The following F11R variants were observed in gnomAD, a reference collection of about 807,000 sequenced individuals.
F11R encodes F11 receptor.
F11R carries 27 observed loss-of-function variants against 39.3 expected under a neutral mutation model. The ratio of observed to expected loss-of-function variants is 0.69; its 90% confidence interval spans 0.51 to 0.95. The LOEUF (loss-of-function observed/expected upper bound fraction) is 0.95. F11R is among the 40% of genes least tolerant of loss of function. The pLI is 0.00. For missense variants in F11R, 335 were observed against 372.7 expected (o/e 0.90, Z 0.83); for synonymous variants, 131 against 144.9 (o/e 0.90, Z 0.69).
chr1:161,011,629 G>T (rs148001843), intron 1 of F11R, among the ~76,000 whole-genome samples: 1 of 151,900 alleles, frequency 6.6e-6, no homozygotes, highest in Non-Finnish European at 1.5e-5. Flanking sequence ...TACTTGGGAG[G>T]CTGAGGCAGA....
intron 1 of F11R, among the ~76,000 whole-genome samples, chr1:161,012,463 A>G (rs528060567): frequency 1.0e-3 from 154 of 152,240 alleles, no homozygotes; most frequent in Non-Finnish European, 1.7e-3. Context: ...GGATATCAAT[A>G]ACAAAACATA....
chr1:161,005,272 C>T (rs1648736796), intron 1 of F11R, among the ~76,000 whole-genome samples: 1 of 151,354 alleles, frequency 6.6e-6, no homozygotes, highest in South Asian at 2.1e-4. Context: ...AGTCTCCTCC[C>T]TTCCTCCCTC....
chr1:161,001,037 T>C lies in F11R; in HGVS notation c.224A>G (p.Tyr75Cys), dbSNP rs754777466. The stretch of plus-strand genomic sequence containing the variant: ...CAACTCACCTGTGATCTTGTTATTA[T>C]AGCAAACGAGTCTGGTGGTGTCTCC... ...DQGDTTRLVC[Y>C]NNKITASYED... The change falls in exon 3 of 10, where the codon TAT becomes TGT. Residue 75 changes from tyrosine to cysteine, a missense_variant. Transcript: ENST00000368026. 1 of 1,614,066 alleles carries C rather than the reference T, an allele frequency of 6.2e-7. No individual in the cohort carries two copies. Among genetic ancestry groups the C allele is most frequent in the Non-Finnish European group, 8.5e-7 (1 of 1,179,948 alleles).
At chr1:161,001,394 A>G in intron 1 of F11R, 41 bp from the exon 2 acceptor site, 1 of 1,568,278 alleles carries the variant, frequency 6.4e-7, no homozygotes, top group Non-Finnish European at 8.8e-7. Context: ...AGGAGTGGAC[A>G]GAGAAATGCC....
At chr1:161,002,784 T>C (rs1396478785) in intron 1 of F11R, among the ~76,000 whole-genome samples, 1 of 152,178 alleles carries the variant, frequency 6.6e-6, no homozygotes, top group African/African-American at 2.4e-5. Context: ...TTCTTTTTTT[T>C]AAATTTTGGC....
At chr1:161,011,683 T>C (rs1649170316) in intron 1 of F11R, among the ~76,000 whole-genome samples, 1 of 151,480 alleles carries the variant, frequency 6.6e-6, no homozygotes, top group Non-Finnish European at 1.5e-5. Flanking sequence ...TGAGCTGAGA[T>C]TGTGCCACTG....
chr1:161,021,146 G>A lies in F11R; in HGVS notation c.-73C>T. The A allele has an allele frequency of 7.0e-7, 1 of 1,438,082 alleles. No homozygotes were observed. The highest frequency in any genetic ancestry group is 1.2e-5 in the South Asian group (1 of 86,576). The allele number at this position is 1,438,082 out of a possible 1,614,324, so 89.1% of individuals were successfully genotyped here. On this transcript the variant is annotated 5_prime_UTR_variant, in exon 1 of 10. Transcript: ENST00000368026. ...AGACACAGCTCCGCGACTACAGCGA[G>A]GGGACTGAGAGCCAGCCGCCAGGTG...
At chr1:161,010,973 TAAAAAAAA>T (rs747869704) in intron 1 of F11R, among the ~76,000 whole-genome samples, 5 of 111,156 alleles carry the variant, frequency 4.5e-5, no homozygotes, top group African/African-American at 6.6e-5. Context: ...GACTCCATCT[TAAAAAAAA>T]AAAAAAAAAA....
intron 1 of F11R, among the ~76,000 whole-genome samples, chr1:161,002,776 C>CT (rs926098067): frequency 4.0e-5 from 6 of 151,634 alleles, no homozygotes; most frequent in East Asian, 1.9e-4. Context: ...CCTTTAGGTT[C>CT]TTTTTTTTAA....
intron 1 of F11R, among the ~76,000 whole-genome samples, chr1:161,007,863 C>A (rs778619844): frequency 1.3e-5 from 2 of 152,164 alleles, no homozygotes; most frequent in Non-Finnish European, 2.9e-5. Context: ...TTCTCTAGAA[C>A]CTTCACAGCT....
Position 160,999,097 on chromosome 1 carries a change from A to G in F11R, c.816-6T>C. 6.2e-7 allele frequency: 1 copy of G among 1,614,220 alleles called. No individual in the cohort carries two copies. The highest frequency in any genetic ancestry group is 8.5e-7 in the Non-Finnish European group (1 of 1,180,034). On this transcript the variant is annotated splice_region_variant and splice_polypyrimidine_tract_variant and intron_variant, in intron 8 of 9. Transcript: ENST00000368026. The stretch of plus-strand genomic sequence containing the variant: ...TCACCTTCTTACTCGAAGTCCTGTG[A>G]ACAAGCCAGAAGACAGAGACACTCA...
chr1:161,020,974 G>C (rs939198046), intron 1 of F11R, 36 bp downstream of exon 1: 3 of 1,607,202 alleles, frequency 1.9e-6, no homozygotes, highest in Non-Finnish European at 2.6e-6. Flanking sequence ...CCTCTGACCC[G>C]ACCAACCGAT....
chr1:161,001,066 G>T lies in F11R; in HGVS notation c.195C>A (p.Asp65Glu). The change falls in exon 3 of 10, where the codon GAC (aspartate) becomes GAA (glutamate). Residue 65 changes from aspartate to glutamate, a missense_variant. Asp to Glu is a conservative substitution (Grantham distance 45, BLOSUM62 2). Transcript: ENST00000368026. ...FSSPRVEWKF[D>E]QGDTTRLVCY... ...AAACGAGTCTGGTGGTGTCTCCTTG[G>T]TCAAACTTCCACTCCACACGGGGAG... 1 of 1,614,082 alleles carries T rather than the reference G, an allele frequency of 6.2e-7. No individual in the cohort carries two copies. Among genetic ancestry groups the T allele is most frequent in the Non-Finnish European group, 8.5e-7 (1 of 1,180,010 alleles).
rs1023440938 is a variant in F11R, at chr1:161,020,444, G to A, written c.64+566C>T. On this transcript the variant is annotated intron_variant, in intron 1 of 9. Coordinates refer to ENST00000368026, the MANE Select transcript of F11R (RefSeq NM_016946.6). The stretch of plus-strand genomic sequence containing the variant: ...TTCTATTGCATTTCCTCTTTAGACT[G>A]TGCACCCAGACATTTTCCCAGAGCA... Among the ~76,000 whole-genome samples the A allele has an allele frequency of 3.3e-5, 5 of 152,328 alleles. No homozygotes were observed. In the South Asian group the frequency reaches 1.0e-3, roughly 32 times the overall value.
chr1:161,011,384 A>G (rs1001438156), intron 1 of F11R, among the ~76,000 whole-genome samples: 1 of 152,210 alleles, frequency 6.6e-6, no homozygotes, highest in Non-Finnish European at 1.5e-5. Flanking sequence ...TAAATGCCCA[A>G]CAAAAGGTGA....
chr1:161,009,853 G>A (rs1649030586), intron 1 of F11R, among the ~76,000 whole-genome samples: 1 of 152,014 alleles, frequency 6.6e-6, no homozygotes, highest in Non-Finnish European at 1.5e-5. Flanking sequence ...GGAGGCTGGA[G>A]AACCACTTGA....
intron 1 of F11R, among the ~76,000 whole-genome samples, chr1:161,019,593 CAAAAA>C (rs1055209744): frequency 6.3e-5 from 3 of 47,942 alleles, no homozygotes; most frequent in Non-Finnish European, 9.1e-5. Flanking sequence ...AACTCTAACT[CAAAAA>C]AAAAAAAAAA....
At chr1:160,999,218 T>TGG in intron 8 of F11R, 127 bp from the exon 9 acceptor site, 1 of 1,396,618 alleles carries the variant, frequency 7.2e-7, no homozygotes, top group Non-Finnish European at 1.0e-6. Flanking sequence ...CAGGTATGGG[T>TGG]GGGGTAACAG....
chr1:161,014,867 A>G lies in F11R; in HGVS notation c.64+6143T>C, dbSNP rs1258261765. Among the ~76,000 whole-genome samples, 13 of 151,672 alleles carry G rather than the reference A, an allele frequency of 8.6e-5. No individual in the cohort carries two copies. In the East Asian group the frequency reaches 1.6e-3, roughly 18 times the overall value. ...GGCAGATCACAAGGCCAGGAGATCA[A>G]GACCATCCTGGCTAACATGGTGAAA... On this transcript the variant is annotated intron_variant, in intron 1 of 9. Coordinates refer to ENST00000368026, the MANE Select transcript of F11R (RefSeq NM_016946.6).
Sources: gnomAD v4.1 joint callset for allele counts (sites outside exome capture counted in the v4.1 genomes callset) on GRCh38, gnomAD v4.1.1 for gene constraint, MANE v1.5 for transcripts, NCBI Gene and HGNC (gene_info 2026-07-23, HGNC 2026-07-21) for gene names.